Variants in DIP2C observed in about 807,000 individuals in gnomAD.
DIP2C encodes disco-interacting protein 2 homolog C.
A neutral mutation model predicts 192.4 loss-of-function variants in DIP2C; 33 were observed. That is an observed-to-expected ratio of 0.17 (90% confidence interval 0.13 to 0.23). DIP2C has a LOEUF of 0.23. Among genes scored for constraint, DIP2C ranks in the 10% least tolerant of loss-of-function variants. The pLI is 1.00. For missense variants in DIP2C, 1,537 were observed against 2,110.1 expected (o/e 0.73, Z 5.32); for synonymous variants, 979 against 864.1 (o/e 1.13, Z -2.33).
chr10:452,970 C>T (rs1477827753), intron 3 of DIP2C, among the ~76,000 whole-genome samples: 3 of 152,218 alleles, frequency 2.0e-5, no homozygotes, highest in African/African-American at 4.8e-5. Context: ...GTTGGATTAA[C>T]ACACAGTGCT....
chr10:478,738 T>G (rs946188909), intron 2 of DIP2C, among the ~76,000 whole-genome samples: 2 of 148,274 alleles, frequency 1.3e-5, no homozygotes, highest in African/African-American at 5.0e-5. Flanking sequence ...TGTAGACACA[T>G]CCAAATTCCC....
At chr10:498,164 CCT>C (rs1844979348) in intron 1 of DIP2C, among the ~76,000 whole-genome samples, 1 of 152,218 alleles carries the variant, frequency 6.6e-6, no homozygotes, top group African/African-American at 2.4e-5. Context: ...CTGAATCCAG[CCT>C]CTGTCATGCG....
intron 1 of DIP2C, among the ~76,000 whole-genome samples, chr10:655,025 T>C (rs1856192899): frequency 6.6e-6 from 1 of 152,104 alleles, no homozygotes; most frequent in Admixed American, 6.5e-5. Flanking sequence ...CTCCAGCCCA[T>C]GTTTTGTGCA....
At chr10:300,301 T>C (rs1036069715) in intron 32 of DIP2C, among the ~76,000 whole-genome samples, 10 of 152,190 alleles carry the variant, frequency 6.6e-5, no homozygotes, top group Admixed American at 3.9e-4. Context: ...CAAGGAAATA[T>C]TATTCAATCT....
rs1048441364 is a variant in DIP2C at position 296,830 on chromosome 10, T to C, written c.3987-8409A>G. On this transcript the variant is annotated intron_variant, in intron 32 of 36. Coordinates refer to ENST00000280886, the MANE Select transcript of DIP2C (RefSeq NM_014974.3). ...ACATGCTCTCACTCATAGGTGGGAA[T>C]TGAACAATGAGAACACTTGGACACA... Among the ~76,000 whole-genome samples, 12 of 133,912 alleles carry C rather than the reference T, an allele frequency of 9.0e-5. 1 individual carries two copies. In the South Asian group the frequency reaches 1.2e-3, roughly 13 times the overall value. The allele number at this position is 133,912 out of a possible 152,430, so 87.9% of individuals were successfully genotyped here.
chr10:390,955 G>T, intron 10 of DIP2C, 92 bp from the exon 11 acceptor site: 7 of 1,532,786 alleles, frequency 4.6e-6, no homozygotes, highest in Non-Finnish European at 6.1e-6. Flanking sequence ...ACAGACCCTC[G>T]AGTCTGCAGA....
chr10:502,165 A>T (rs982495781), intron 1 of DIP2C, among the ~76,000 whole-genome samples: 3 of 152,188 alleles, frequency 2.0e-5, no homozygotes, highest in African/African-American at 4.8e-5. Context: ...TTCCCACATC[A>T]TAGTTTTTAC....
At chr10:642,442 G>T (rs1281537162) in intron 1 of DIP2C, among the ~76,000 whole-genome samples, 1 of 152,270 alleles carries the variant, frequency 6.6e-6, no homozygotes, top group Non-Finnish European at 1.5e-5. Flanking sequence ...GCCACACGGG[G>T]CAGGTCACAG....
chr10:321,231 A>C (rs1289129482), intron 31 of DIP2C, among the ~76,000 whole-genome samples: 2 of 152,222 alleles, frequency 1.3e-5, no homozygotes, highest in Admixed American at 6.5e-5. Context: ...TCAGCACTGG[A>C]AAAACTGCAT....
intron 2 of DIP2C, among the ~76,000 whole-genome samples, chr10:475,807 C>T (rs932678674): frequency 6.6e-6 from 1 of 152,154 alleles, no homozygotes; most frequent in Admixed American, 6.6e-5. Context: ...AAGAAAAAAG[C>T]CACAAATAGG....
intron 1 of DIP2C, among the ~76,000 whole-genome samples, chr10:660,728 A>C (rs1220062873): frequency 6.6e-6 from 1 of 152,266 alleles, no homozygotes; most frequent in Non-Finnish European, 1.5e-5. Flanking sequence ...CTTTAGGCTT[A>C]CAAAGAAAAC....
intron 1 of DIP2C, among the ~76,000 whole-genome samples, chr10:586,576 C>T (rs1225896754): frequency 6.6e-6 from 1 of 152,242 alleles, no homozygotes; most frequent in Non-Finnish European, 1.5e-5. Flanking sequence ...TCATTTACTT[C>T]TGTGGCTCTG....
chr10:408,508 T>C (rs566776373), intron 9 of DIP2C, among the ~76,000 whole-genome samples: 2 of 152,308 alleles, frequency 1.3e-5, no homozygotes, highest in East Asian at 1.9e-4. Flanking sequence ...CTTTATAGTA[T>C]TGCTTAAGTA....
chr10:292,556 C>T (rs188818711), intron 32 of DIP2C, among the ~76,000 whole-genome samples: 1 of 152,226 alleles, frequency 6.6e-6, no homozygotes, highest in African/African-American at 2.4e-5. Flanking sequence ...AACTTAGCAA[C>T]CTGTTTTGCT....
intron 8 of DIP2C, 61 bp downstream of exon 8, chr10:413,852 G>A: frequency 6.4e-7 from 1 of 1,567,782 alleles, no homozygotes; most frequent in East Asian, 2.3e-5. Flanking sequence ...TGAGTTTCCT[G>A]CGTTCGGGAG....
intron 1 of DIP2C, among the ~76,000 whole-genome samples, chr10:612,155 T>C (rs1204861094): frequency 1.3e-5 from 2 of 151,996 alleles, no homozygotes; most frequent in African/African-American, 2.4e-5. Flanking sequence ...GAGCCAGCCA[T>C]GGTGACGGGC....
At position 675,160 on chromosome 10, in the gene DIP2C, T is replaced by C. The variant is rs148439381; in HGVS notation, c.85+14334A>G. ...GAACTTTCAAAACTGTATAAATACATAGAAATTAAACAATATGCCCTTGAA... is the reference window on the plus strand; with the variant it reads ...GAACTTTCAAAACTGTATAAATACACAGAAATTAAACAATATGCCCTTGAA... On this transcript the variant is annotated intron_variant, in intron 1 of 36. Transcript: ENST00000280886. 3.4e-4 allele frequency among the ~76,000 whole-genome samples: 52 copies of C among 152,080 alleles called. No individual in the cohort carries two copies. In the East Asian group the frequency reaches 6.2e-3, roughly 18 times the overall value.
intron 3 of DIP2C, among the ~76,000 whole-genome samples, chr10:471,066 A>G (rs1970588237): frequency 6.6e-6 from 1 of 152,108 alleles, no homozygotes; most frequent in Non-Finnish European, 1.5e-5. Context: ...GAAGGTCTCA[A>G]TATGTGTCGG....
chr10:478,469 G>A (rs192233579), intron 2 of DIP2C, among the ~76,000 whole-genome samples: 217 of 150,528 alleles, frequency 1.4e-3, no homozygotes, highest in African/African-American at 3.5e-3. Flanking sequence ...TCTCATGTCC[G>A]GGCATGCCGG....
Sources: gnomAD v4.1 joint callset for allele counts (sites outside exome capture counted in the v4.1 genomes callset) on GRCh38, gnomAD v4.1.1 for gene constraint, MANE v1.5 for transcripts, NCBI Gene and HGNC (gene_info 2026-07-23, HGNC 2026-07-21) for gene names.